The following AATF variants were observed in gnomAD, a reference collection of about 807,000 sequenced individuals.
AATF encodes apoptosis antagonizing transcription factor.
AATF carries 48 observed loss-of-function variants against 63.7 expected under a neutral mutation model. The ratio of observed to expected loss-of-function variants is 0.75; its 90% CI spans 0.60 to 0.96. The LOEUF (loss-of-function observed/expected upper bound fraction) is 0.96. Ranked by LOEUF, AATF falls within the 40% of genes least tolerant of loss-of-function variation. The pLI, the probability that AATF is intolerant of heterozygous loss-of-function variation, is 0.00. For missense variants in AATF, 639 were observed against 685.7 expected, an observed-to-expected ratio of 0.93 and a Z score of 0.76; for synonymous variants, 258 against 247.7, an observed-to-expected ratio of 1.04 and a Z score of -0.39.
chr17:36,977,398 C>G (rs528017554), intron 4 of AATF, among the ~76,000 whole-genome samples: 4 of 152,080 alleles, frequency 2.6e-5, no homozygotes, highest in African/African-American at 9.6e-5. Flanking sequence ...TCTCCATTTT[C>G]ATCAGTTTTT....
chr17:36,964,151 T>C (rs1208168621), intron 4 of AATF, among the ~76,000 whole-genome samples: 3 of 149,578 alleles, frequency 2.0e-5, no homozygotes, highest in African/African-American at 7.4e-5. Flanking sequence ...AAGGATGTGG[T>C]CAAAAGAGGG....
chr17:37,006,287 T>C (rs143390962), intron 8 of AATF, among the ~76,000 whole-genome samples: 1 of 152,082 alleles, frequency 6.6e-6, no homozygotes, highest in African/African-American at 2.4e-5. Flanking sequence ...CTGACCAACA[T>C]GGTGAAACCT....
At chr17:36,996,394 A>G (rs2071255229) in intron 8 of AATF, among the ~76,000 whole-genome samples, 1 of 152,224 alleles carries the variant, frequency 6.6e-6, no homozygotes. Context: ...AGATCGCATC[A>G]CTACACTCCA....
chr17:37,000,120 G>C (rs1251025071), intron 8 of AATF: 1 of 152,506 alleles, frequency 6.6e-6, no homozygotes, highest in Non-Finnish European at 1.5e-5. Context: ...AGAATGGGGG[G>C]CAAGGTGGCA....
chr17:37,045,427 A>C (rs887618917), intron 11 of AATF: 4 of 152,292 alleles, frequency 2.6e-5, no homozygotes. Context: ...GACCTGCAGC[A>C]GCACTCGTGG....
At position 36,953,817 on chromosome 17, in the gene AATF, CT is replaced by C; in HGVS notation, c.743del (p.Leu248ArgfsTer2). 6.2e-7 allele frequency: 1 copy of C among 1,614,144 alleles called. No individual in the cohort carries two copies. The highest frequency in any genetic ancestry group is 8.5e-7 in the Non-Finnish European group (1 of 1,180,026). ...LEGRIKLQKA[L>X]LTTNQLPQPD... ...AGGAAGGATCAAACTACAAAAAGCT[CT>C]GTTGACCACCAACCAGCTTCCTCAA... On this transcript the variant is annotated frameshift_variant, in exon 4 of 12. Coordinates refer to ENST00000619387, the MANE Select transcript of AATF (RefSeq NM_012138.4). LOFTEE classifies it high-confidence loss of function.
At chr17:37,030,925 A>T (rs189138068) in intron 10 of AATF, among the ~76,000 whole-genome samples, 6 of 152,194 alleles carry the variant, frequency 3.9e-5, no homozygotes, top group Non-Finnish European at 8.8e-5. Flanking sequence ...GAGGTAGTCA[A>T]TTCCTCATTG....
intron 8 of AATF, among the ~76,000 whole-genome samples, chr17:37,018,208 C>CTT (rs1040698096): frequency 3.7e-4 from 57 of 152,216 alleles, no homozygotes; most frequent in Non-Finnish European, 2.1e-4. Flanking sequence ...CGCCCAAGGA[C>CTT]TTTAAGATTC....
chr17:36,954,342 A>G (rs1391770686), intron 4 of AATF, among the ~76,000 whole-genome samples: 1 of 152,114 alleles, frequency 6.6e-6, no homozygotes, highest in Non-Finnish European at 1.5e-5. Flanking sequence ...TTTGCTTCCC[A>G]AAGTGCTAGG....
chr17:37,007,873 G>A (rs893358125), intron 8 of AATF, among the ~76,000 whole-genome samples: 4 of 152,104 alleles, frequency 2.6e-5, no homozygotes, highest in South Asian at 2.1e-4. Context: ...AAAGAGAATC[G>A]CAGATAGTTC....
intron 4 of AATF, among the ~76,000 whole-genome samples, chr17:36,965,288 C>G (rs2070982549): frequency 6.6e-6 from 1 of 152,104 alleles, no homozygotes; most frequent in African/African-American, 2.4e-5. Context: ...CTTGCCTTTT[C>G]CAGCTTTTAT....
intron 8 of AATF, among the ~76,000 whole-genome samples, chr17:36,995,031 G>A (rs1465629079): frequency 6.6e-6 from 1 of 152,140 alleles, no homozygotes; most frequent in African/African-American, 2.4e-5. Flanking sequence ...CACTTCATGC[G>A]ATATTTTGTT....
intron 8 of AATF, among the ~76,000 whole-genome samples, chr17:36,992,478 A>G (rs2071223113): frequency 6.6e-6 from 1 of 152,220 alleles, no homozygotes; most frequent in Admixed American, 6.5e-5. Flanking sequence ...CACGGGAGAC[A>G]ATCAAAAATG....
chr17:37,048,914 G>A (rs1456012327), intron 11 of AATF, among the ~76,000 whole-genome samples: 1 of 152,202 alleles, frequency 6.6e-6, no homozygotes, highest in Admixed American at 6.5e-5. Context: ...AAAGGAGGGT[G>A]CCATTTAGTC....
intron 11 of AATF, among the ~76,000 whole-genome samples, chr17:37,042,572 A>G (rs9908798): frequency 0.035 from 4,614 of 130,222 alleles, 204 homozygotes; most frequent in African/African-American, 0.11. Flanking sequence ...ACACTACCAC[A>G]CCCAGCTTTT....
rs111903696 is a variant in AATF at position 36,969,954 on chromosome 17, A to C, written c.832+16047A>C. Among the ~76,000 whole-genome samples the C allele has an allele frequency of 1.4e-3, 208 of 152,324 alleles. 1 individual carries two copies. The highest frequency in any genetic ancestry group is 4.9e-3 in the African/African-American group (203 of 41,566). ...TTTGCTCAGCATAATTATTTTGAGC[A>C]TCCTCCATATTTTTTCTTGTGTCAG... On this transcript the variant is annotated intron_variant, in intron 4 of 11. Coordinates refer to ENST00000619387, the MANE Select transcript of AATF (RefSeq NM_012138.4).
intron 8 of AATF, among the ~76,000 whole-genome samples, chr17:36,995,897 A>G (rs866400715): frequency 1.8e-4 from 27 of 152,060 alleles, no homozygotes; most frequent in African/African-American, 6.5e-4. Context: ...CTATTGGCAT[A>G]TATCTTTCCA....
rs1293717605 is a variant in AATF, at chr17:36,950,308, C to T, written c.186C>T (p.Ala62=). Residue 62 remains alanine (A), a synonymous_variant, in exon 2 of 12, where the codon GCC becomes GCT. Transcript: ENST00000619387. ...GTAGCATTAGAAAACTGGCATCAGCCTCCCTCTTGGACACGGACAAAAGGT... is the reference window on the plus strand; with the variant it reads ...GTAGCATTAGAAAACTGGCATCAGCTTCCCTCTTGGACACGGACAAAAGGT... ...VVGSIRKLAS[A]SLLDTDKRYC... 4 of 1,614,182 alleles carry T rather than the reference C, an allele frequency of 2.5e-6. No individual in the cohort carries two copies. Among genetic ancestry groups the T allele is most frequent in the African/African-American group, 2.7e-5 (2 of 75,038 alleles).
At position 36,986,691 on chromosome 17, in the gene AATF, A is replaced by G. The variant is rs1183879033; in HGVS notation, c.907A>G (p.Thr303Ala). Reference sequence around the variant, plus strand: ...AGAGTTGCTTTTCCAGTACCCAGACACTAGATATCTAGTAGATGGGACAAA... The same window carrying G: ...AGAGTTGCTTTTCCAGTACCCAGACGCTAGATATCTAGTAGATGGGACAAA... ...QEELLFQYPD[T>A]RYLVDGTKPN... Residue 303 changes from threonine (T) to alanine (A), a missense_variant, in exon 5 of 12, where the codon ACT (threonine) becomes GCT (alanine). Coordinates refer to ENST00000619387, the MANE Select transcript of AATF (RefSeq NM_012138.4). The G allele has an allele frequency of 6.2e-7, 1 of 1,614,202 alleles. No individual in the cohort carries two copies. Among genetic ancestry groups the G allele is most frequent in the Non-Finnish European group, 8.5e-7 (1 of 1,180,036 alleles).
Sources: allele counts gnomAD v4.1 joint callset (sites outside exome capture counted in the v4.1 genomes callset), GRCh38; gene constraint gnomAD v4.1.1; transcripts MANE v1.5; gene names NCBI Gene and HGNC (gene_info 2026-07-23, HGNC 2026-07-21).